CPS1: variants seen among roughly 807,000 people sequenced by gnomAD.
The protein encoded by CPS1 is carbamoyl-phosphate synthase 1.
In CPS1, 109 loss-of-function variants were observed where a neutral mutation model predicts 174.6. The observed-to-expected ratio is 0.62, with a 90% confidence interval of 0.53 to 0.73. CPS1 has a LOEUF of 0.73. Ranked by LOEUF, CPS1 falls within the 30% of genes least tolerant of loss-of-function variation. The pLI is 0.00. For synonymous variants in CPS1, 637 were observed against 632.0 expected, an observed-to-expected ratio of 1.01 and a Z score of -0.12; for missense variants, 1,689 against 1,821.9, an observed-to-expected ratio of 0.93 and a Z score of 1.33.
chr2:210,552,706 A>C (rs1012785356), upstream of CPS1, among the ~76,000 whole-genome samples: 2 of 151,626 alleles, frequency 1.3e-5, no homozygotes, highest in African/African-American at 4.8e-5. Context: ...GGACTGTTTG[A>C]GAAGTGGACT....
intron 1 of CPS1, among the ~76,000 whole-genome samples, chr2:210,550,484 A>G (rs1696699816): frequency 6.6e-6 from 1 of 151,960 alleles, no homozygotes; most frequent in African/African-American, 2.4e-5. Flanking sequence ...TCTGAGACTC[A>G]TCATTATTGT....
chr2:210,619,095 C>G (rs1699416071), intron 21 of CPS1: 2 of 152,040 alleles, frequency 1.3e-5, no homozygotes. Flanking sequence ...ACCGCACTCC[C>G]TTTGTACTTT....
At chr2:210,578,431 AT>A (rs1697786576) in intron 4 of CPS1, among the ~76,000 whole-genome samples, 1 of 152,112 alleles carries the variant, frequency 6.6e-6, no homozygotes. Context: ...TTAATTTCCA[AT>A]GAAAAAAGAG....
At position 210,669,825 on chromosome 2, in the gene CPS1, G is replaced by T. The variant is rs554662620; in HGVS notation, c.4101+1541G>T. 3.7e-4 allele frequency among the ~76,000 whole-genome samples: 57 copies of T among 152,200 alleles called. No individual in the cohort carries two copies. The South Asian group carries it at 0.011, about 30-fold the overall frequency. On this transcript the variant is annotated intron_variant, in intron 34 of 37. Coordinates refer to ENST00000233072, the MANE Select transcript of CPS1 (RefSeq NM_001875.5). ...GCTTAAAGTTTAATGTGAGACTTGGGGGCATTCAGAGGAGACCATGCCCTT... is the reference window on the plus strand; with the variant it reads ...GCTTAAAGTTTAATGTGAGACTTGGTGGCATTCAGAGGAGACCATGCCCTT...
intron 33 of CPS1, among the ~76,000 whole-genome samples, chr2:210,663,750 G>T (rs1379694244): frequency 6.6e-6 from 1 of 152,172 alleles, no homozygotes; most frequent in Non-Finnish European, 1.5e-5. Flanking sequence ...TGTGTCAGCT[G>T]AAGGTTTCTT....
At chr2:210,571,882 TG>T (rs1697506664) in intron 1 of CPS1, among the ~76,000 whole-genome samples, 1 of 80,256 alleles carries the variant, frequency 1.2e-5, no homozygotes, top group South Asian at 4.4e-4. Context: ...TGTGTGTGTG[TG>T]TGTGTGTGTG....
intron 2 of CPS1, among the ~76,000 whole-genome samples, chr2:210,574,603 A>T (rs1445043182): frequency 6.6e-6 from 1 of 152,092 alleles, no homozygotes. Flanking sequence ...CTGTGTTAAT[A>T]TACCTGCCAA....
At chr2:210,598,047 T>G (rs1398915488) in intron 13 of CPS1, among the ~76,000 whole-genome samples, 1 of 151,876 alleles carries the variant, frequency 6.6e-6, no homozygotes, top group Non-Finnish European at 1.5e-5. Context: ...TAAATGTACA[T>G]TCAATGTTCT....
Position 210,569,594 on chromosome 2 carries a change from C to T in CPS1, c.127-3704C>T, listed in dbSNP as rs140901098. ...TTCCCTTATCTAGCCTTTTACTAAACGAGAAGACTGGAGACATTCATCCAT... is the reference window on the plus strand; with the variant it reads ...TTCCCTTATCTAGCCTTTTACTAAATGAGAAGACTGGAGACATTCATCCAT... On this transcript the variant is annotated intron_variant, in intron 1 of 37. Coordinates refer to ENST00000233072, the MANE Select transcript of CPS1 (RefSeq NM_001875.5). 8.5e-4 allele frequency among the ~76,000 whole-genome samples: 130 copies of T among 152,082 alleles called. 1 individual carries two copies. The highest frequency in any genetic ancestry group is 2.8e-3 in the African/African-American group (118 of 41,514).
chr2:210,665,015 C>T (rs1290787306), intron 33 of CPS1, among the ~76,000 whole-genome samples: 1 of 152,164 alleles, frequency 6.6e-6, no homozygotes, highest in East Asian at 1.9e-4. Flanking sequence ...TCTTTAATGG[C>T]ACATTTAACT....
intron 30 of CPS1, chr2:210,657,310 CTTT>C (rs555740700): frequency 1.0e-4 from 14 of 140,526 alleles, no homozygotes; most frequent in Admixed American, 2.1e-4. Context: ...AACCTATCAT[CTTT>C]TTTTTTTTTT....
chr2:210,654,070 G>A lies in CPS1; in HGVS notation c.3526G>A (p.Val1176Ile), dbSNP rs771994182. 1.2e-6 allele frequency: 2 copies of A among 1,614,056 alleles called. No homozygotes were observed. Among genetic ancestry groups the A allele is most frequent in the Non-Finnish European group, 1.7e-6 (2 of 1,179,912 alleles). The change falls in exon 29 of 38, where the codon GTA becomes ATA. Residue 1176 changes from valine to isoleucine, a missense_variant. Physicochemically the swap from Val to Ile is conservative, Grantham distance 29. Coordinates refer to ENST00000233072, the MANE Select transcript of CPS1 (RefSeq NM_001875.5). ...AAAATTTGTTGAAGGGGCCCGAGAAGTAGAAATGGACGCTGTTGGCAAAGA... is the reference window on the plus strand; with the variant it reads ...AAAATTTGTTGAAGGGGCCCGAGAAATAGAAATGGACGCTGTTGGCAAAGA... Reference protein sequence around the residue: ...LTKFVEGAREVEMDAVGKDGR... With the variant: ...LTKFVEGAREIEMDAVGKDGR...
intron 33 of CPS1, among the ~76,000 whole-genome samples, chr2:210,667,284 T>G (rs1187132075): frequency 6.6e-6 from 1 of 152,200 alleles, no homozygotes; most frequent in Non-Finnish European, 1.5e-5. Context: ...CAGGGACAAT[T>G]TGACTTCCTC....
At chr2:210,504,818 A>G (rs555625930) in intron 1 of CPS1, among the ~76,000 whole-genome samples, 1 of 152,342 alleles carries the variant, frequency 6.6e-6, no homozygotes, top group South Asian at 2.1e-4. Context: ...CAGAAAAATT[A>G]AAAGGCGGGA....
At chr2:210,638,762 G>C (rs564472758) in intron 22 of CPS1, among the ~76,000 whole-genome samples, 1 of 152,058 alleles carries the variant, frequency 6.6e-6, no homozygotes, top group Non-Finnish European at 1.5e-5. Flanking sequence ...TAAATCCTGC[G>C]CATTAATTTG....
chr2:210,636,333 G>C (rs1700040769), intron 21 of CPS1, among the ~76,000 whole-genome samples: 1 of 149,892 alleles, frequency 6.7e-6, no homozygotes, highest in South Asian at 2.1e-4. Context: ...AAAAACCTAG[G>C]GAATTGAAGT....
rs144478691 is a variant in CPS1, at chr2:210,592,836, C to T, written c.1087-43C>T. 6,342 of 1,538,582 alleles carry T rather than the reference C, an allele frequency of 4.1e-3. 23 individuals are homozygous for T. Among genetic ancestry groups the T allele is most frequent in the Middle Eastern group, 5.5e-3 (32 of 5,868 alleles). ...ATAATACATAGCCACACTTGACATT[C>T]ATTGTTACAGAAGGAATTTCTTCCT... On this transcript the variant is annotated intron_variant, in intron 10 of 37. Coordinates refer to ENST00000233072, the MANE Select transcript of CPS1 (RefSeq NM_001875.5).
chr2:210,603,157 C>T (rs1327875509), intron 16 of CPS1, among the ~76,000 whole-genome samples: 4 of 151,830 alleles, frequency 2.6e-5, no homozygotes, highest in Non-Finnish European at 4.4e-5. Context: ...AGCCAAGAAA[C>T]CTGTGTAACT....
chr2:210,599,225 T>G lies in CPS1; in HGVS notation c.1360-147T>G. On this transcript the variant is annotated intron_variant, in intron 13 of 37. Transcript: ENST00000233072. ...TCTTTGACCAAATGCTTGTCTTCCT[T>G]TAACTTCCATTCACTAGTCCTGTTA... The G allele has an allele frequency of 5.7e-6, 4 of 695,972 alleles. No individual in the cohort carries two copies. The South Asian group carries it at 6.8e-5, about 12-fold the overall frequency. The allele number at this position is 695,972 out of a possible 1,614,324, so 43.1% of individuals were successfully genotyped here.
Sources: gnomAD v4.1 joint callset for allele counts (sites outside exome capture counted in the v4.1 genomes callset) on GRCh38, gnomAD v4.1.1 for gene constraint, MANE v1.5 for transcripts, NCBI Gene and HGNC (gene_info 2026-07-23, HGNC 2026-07-21) for gene names.